The following IRX6 variants were observed in gnomAD, a reference collection of about 807,000 sequenced individuals.
The protein encoded by IRX6 is iroquois homeobox 6, also known as iroquois-class homeodomain protein IRX-6.
Under a neutral mutation model 47.7 loss-of-function variants are expected in IRX6, and 46 were observed. That is an observed-to-expected ratio of 0.96 (90% CI 0.76 to 1.23). The LOEUF (loss-of-function observed/expected upper bound fraction) is 1.23, where lower values mean the gene tolerates loss of function less well. Among genes scored for constraint, IRX6 ranks in the 50% most tolerant of loss-of-function variants. The probability of loss-of-function intolerance (pLI) is 0.00; values close to 1 mark genes in which losing one functional copy is unlikely to be tolerated. For missense variants in IRX6, 722 were observed against 588.0 expected, an observed-to-expected ratio of 1.23 and a Z score of -2.36; for synonymous variants, 265 against 246.2, an observed-to-expected ratio of 1.08 and a Z score of -0.72.
intron 2 of IRX6, chr16:55,326,831 GA>G: frequency 2.1e-6 from 1 of 475,790 alleles, no homozygotes. Flanking sequence ...TAAGAATGAG[GA>G]AATAGAGGTG....
intron 2 of IRX6, 99 bp from the exon 3 acceptor site, chr16:55,327,197 A>T (rs1377982975): frequency 3.7e-6 from 3 of 804,800 alleles, no homozygotes; most frequent in Non-Finnish European, 6.4e-6. Flanking sequence ...CACGGCCAGT[A>T]CCAGTGGCCA....
intron 5 of IRX6, among the ~76,000 whole-genome samples, chr16:55,329,524 C>T (rs1960606236): frequency 6.6e-6 from 1 of 152,200 alleles, no homozygotes; most frequent in African/African-American, 2.4e-5. Flanking sequence ...AACTCACAGG[C>T]AGACTGTAAT....
rs1960581125 is a variant in IRX6, at chr16:55,328,690, T to A, written c.722-10T>A. ...TGGGGCTTTTCTCACTCGCTCTTGATTTCCTGCAGAAGTTACTGCTAGCCA... is the reference window on the plus strand; with the variant it reads ...TGGGGCTTTTCTCACTCGCTCTTGAATTCCTGCAGAAGTTACTGCTAGCCA... On this transcript the variant is annotated splice_polypyrimidine_tract_variant and intron_variant, in intron 4 of 5. Coordinates refer to ENST00000290552, the MANE Select transcript of IRX6 (RefSeq NM_024335.3). 6.2e-7 allele frequency: 1 copy of A among 1,611,646 alleles called. No individual in the cohort carries two copies. Among genetic ancestry groups the A allele is most frequent in the Admixed American group, 1.7e-5 (1 of 59,928 alleles).
intron 1 of IRX6, among the ~76,000 whole-genome samples, chr16:55,325,627 A>T (rs1960508189): frequency 6.6e-6 from 1 of 151,476 alleles, no homozygotes; most frequent in Admixed American, 6.6e-5. Context: ...AAGAACTTGT[A>T]GGCTACAACG....
intron 4 of IRX6, 81 bp from the exon 5 acceptor site, chr16:55,328,619 T>C (rs1386616439): frequency 4.1e-6 from 6 of 1,472,374 alleles, no homozygotes; most frequent in Non-Finnish European, 4.6e-6. Context: ...CGCTTCTTGC[T>C]AAAAGCTTCT....
In IRX6 at chr16:55,329,155, T is replaced by A. The variant is rs768945133; in HGVS notation, c.1177T>A (p.Ser393Thr). The change falls in exon 5 of 6, where the codon TCA (serine) becomes ACA (threonine). Residue 393 changes from serine to threonine, a missense_variant. By Grantham distance (58) the Ser-to-Thr change is moderately conservative (BLOSUM62 1). Coordinates refer to ENST00000290552, the MANE Select transcript of IRX6 (RefSeq NM_024335.3). ...GCCTCCTGCCTCTGCCCGGCGACTCTCAGTCCCCAGAGACTCCGCGTGCGA... is the reference window on the plus strand; with the variant it reads ...GCCTCCTGCCTCTGCCCGGCGACTCACAGTCCCCAGAGACTCCGCGTGCGA... ...GQPPASARRL[S>T]VPRDSACDES... The A allele has an allele frequency of 1.9e-6, 3 of 1,613,916 alleles. No homozygotes were observed. Among genetic ancestry groups the A allele is most frequent in the Non-Finnish European group, 2.5e-6 (3 of 1,180,014 alleles).
At chr16:55,330,177 TG>T in intron 5 of IRX6, 120 bp from the exon 6 acceptor site, 1 of 847,226 alleles carries the variant, frequency 1.2e-6, no homozygotes, top group Non-Finnish European at 2.0e-6. Flanking sequence ...ACATTACCTC[TG>T]GCAAGCTAAT....
chr16:55,325,019 C>T lies in IRX6; in HGVS notation c.-73C>T. Reference sequence around the variant, plus strand: ...TGTAAGGAACTGAGACACCTCACTGCTGGGGGCGCGGAACAGCTGGGCTGA... The same window carrying T: ...TGTAAGGAACTGAGACACCTCACTGTTGGGGGCGCGGAACAGCTGGGCTGA... On this transcript the variant is annotated 5_prime_UTR_variant, in exon 1 of 6. Transcript: ENST00000290552. The T allele has an allele frequency of 2.6e-6, 4 of 1,514,196 alleles. No homozygotes were observed. Among genetic ancestry groups the T allele is most frequent in the South Asian group, 2.2e-5 (2 of 88,900 alleles). 93.8% of individuals were successfully genotyped at this position (1,514,196 alleles called of 1,614,324 possible). A position where few individuals can be genotyped will look rare whatever the true frequency, so the allele number is the denominator to read the frequency against.
rs775651685 is a variant in IRX6 at position 55,326,292 on chromosome 16, G to GGT, written c.46-43_46-42insTG. ...CAGCGGGAGCGGGGGCGGGGGTGGGGGGGGGGTCTCTGACCTCCAGTGCCC... is the reference window on the plus strand; with the variant it reads ...CAGCGGGAGCGGGGGCGGGGGTGGGGGTGGGGGGTCTCTGACCTCCAGTGCCC... On this transcript the variant is annotated intron_variant, in intron 1 of 5. Transcript: ENST00000290552. 1,474 of 1,440,552 alleles carry GGT rather than the reference G, an allele frequency of 1.0e-3. 16 individuals are homozygous for GGT. The African/African-American group carries it at 0.019, about 19-fold the overall frequency. 89.2% of individuals were successfully genotyped at this position (1,440,552 alleles called of 1,614,324 possible).
In IRX6 at chr16:55,330,424, G is replaced by A. The variant is rs1276300736; in HGVS notation, c.*119G>A. The A allele has an allele frequency of 9.9e-7, 1 of 1,014,892 alleles. No individual in the cohort carries two copies. The highest frequency in any genetic ancestry group is 1.6e-6 in the Non-Finnish European group (1 of 638,146). The allele number at this position is 1,014,892 out of a possible 1,614,324, so 62.9% of individuals were successfully genotyped here. A position where few individuals can be genotyped will look rare whatever the true frequency, so the allele number is the denominator to read the frequency against. Reference sequence around the variant, plus strand: ...CCAGGAGCTCTCACTTTGCCTAAGAGACAGACACACAGAAACCCTCCTAGC... The same window carrying A: ...CCAGGAGCTCTCACTTTGCCTAAGAAACAGACACACAGAAACCCTCCTAGC... On this transcript the variant is annotated 3_prime_UTR_variant, in exon 6 of 6. Coordinates refer to ENST00000290552, the MANE Select transcript of IRX6 (RefSeq NM_024335.3).
In IRX6 at chr16:55,330,481, G is replaced by A. The variant is rs1019052634; in HGVS notation, c.*176G>A. 5.2e-5 allele frequency: 35 copies of A among 677,674 alleles called. No individual in the cohort carries two copies. Among genetic ancestry groups the A allele is most frequent in the Non-Finnish European group, 8.1e-5 (31 of 381,990 alleles). 42.0% of individuals were successfully genotyped at this position (677,674 alleles called of 1,614,324 possible). A position where few individuals can be genotyped will look rare whatever the true frequency, so the allele number is the denominator to read the frequency against. On this transcript the variant is annotated 3_prime_UTR_variant, in exon 6 of 6. Coordinates refer to ENST00000290552, the MANE Select transcript of IRX6 (RefSeq NM_024335.3). ...CCTTGCACGCAGAGCTGGGGTGGTG[G>A]GCCGACTTGAACCTTAGCAGTCCCC...
Position 55,324,985 on chromosome 16 carries a change from C to A in IRX6, c.-107C>A, listed in dbSNP as rs1596878505. 2 of 1,210,408 alleles carry A rather than the reference C, an allele frequency of 1.7e-6. No individual in the cohort carries two copies. Among genetic ancestry groups the A allele is most frequent in the Non-Finnish European group, 2.4e-6 (2 of 824,114 alleles). The allele number at this position is 1,210,408 out of a possible 1,614,324, so 75.0% of individuals were successfully genotyped here. A position where few individuals can be genotyped will look rare whatever the true frequency, so the allele number is the denominator to read the frequency against. ...AGGCGAAGGAACCGGCGCTGGGCAT[C>A]CGCAGCGGTGTAAGGAACTGAGACA... On this transcript the variant is annotated 5_prime_UTR_variant, in exon 1 of 6. Transcript: ENST00000290552. The surrounding 1 kb of genome is among the most constrained non-coding windows in gnomAD (Gnocchi z 4.4).
intron 2 of IRX6, 130 bp downstream of exon 2, chr16:55,326,723 A>G: frequency 1.1e-6 from 1 of 922,890 alleles, no homozygotes; most frequent in Non-Finnish European, 1.6e-6. Flanking sequence ...GGACAAAAAA[A>G]TACAGTACCT....
At chr16:55,329,921 C>G (rs1388485560) in intron 5 of IRX6, among the ~76,000 whole-genome samples, 2 of 152,170 alleles carry the variant, frequency 1.3e-5, no homozygotes, top group African/African-American at 4.8e-5. Flanking sequence ...GAGCACTCTA[C>G]CCAGGGCTCA....
Position 55,324,934 on chromosome 16 carries a change from C to T in IRX6, c.-158C>T. ...CAGGGCTCGGCAGCCGGGCTGCCCT[C>T]GGCTCTGCCTCCACTGGGGCCAACC... On this transcript the variant is annotated 5_prime_UTR_variant, in exon 1 of 6. Transcript: ENST00000290552. This position sits in a 1 kb window ranked among gnomAD's most constrained non-coding sequence, Gnocchi z 4.4. The T allele has an allele frequency of 4.1e-6, 3 of 728,478 alleles. No homozygotes were observed. The highest frequency in any genetic ancestry group is 5.5e-5 in the East Asian group (2 of 36,664). 45.1% of individuals were successfully genotyped at this position (728,478 alleles called of 1,614,324 possible). A position where few individuals can be genotyped will look rare whatever the true frequency, so the allele number is the denominator to read the frequency against.
chr16:55,328,234 T>C (rs1960572107), intron 4 of IRX6, among the ~76,000 whole-genome samples: 1 of 152,182 alleles, frequency 6.6e-6, no homozygotes, highest in Admixed American at 6.5e-5. Flanking sequence ...CTTCCCTCTC[T>C]AGAATGGCAG....
rs1161798955 is a variant in IRX6, at chr16:55,327,881, G to T, written c.709G>T (p.Ala237Ser). 1 of 1,603,478 alleles carries T rather than the reference G, an allele frequency of 6.2e-7. No individual in the cohort carries two copies. The highest frequency in any genetic ancestry group is 1.7e-5 in the Admixed American group (1 of 59,258). Residue 237 changes from alanine to serine, a missense_variant, in exon 4 of 6, where the codon GCT becomes TCT. Physicochemically the swap from Ala to Ser is moderately conservative, Grantham distance 99 (BLOSUM62 1). Transcript: ENST00000290552. ...GEEDSLGCLT[A>S]DTKEVTASQE... is the part of the protein sequence containing the mutation. ...GGAGGACTCACTAGGCTGCCTAACT[G>T]CTGACACCAAAGGTACTGAAAACGT...
rs1178595577 is a variant in IRX6, at chr16:55,328,965, C to A, written c.987C>A (p.Phe329Leu). Residue 329 changes from phenylalanine (F) to leucine (L), a missense_variant, in exon 5 of 6, where the codon TTC becomes TTA. Coordinates refer to ENST00000290552, the MANE Select transcript of IRX6 (RefSeq NM_024335.3). ...NDPSGSEEAD[F>L]LSAETGSPRL... is the part of the protein sequence containing the mutation. ...CTTCCGGATCGGAAGAAGCTGACTTCCTCTCGGCGGAGACAGGCAGCCCTA... is the reference window on the plus strand; with the variant it reads ...CTTCCGGATCGGAAGAAGCTGACTTACTCTCGGCGGAGACAGGCAGCCCTA... 1 of 1,613,726 alleles carries A rather than the reference C, an allele frequency of 6.2e-7. No individual in the cohort carries two copies. Among genetic ancestry groups the A allele is most frequent in the Admixed American group, 1.7e-5 (1 of 60,034 alleles).
chr16:55,328,664 C>T, intron 4 of IRX6, 36 bp from the exon 5 acceptor site: 2 of 1,604,736 alleles, frequency 1.2e-6, no homozygotes, highest in South Asian at 2.2e-5. Flanking sequence ...CCCTTGGGCC[C>T]TGGGGCTTTT....
Sources: gnomAD v4.1 joint callset for allele counts (sites outside exome capture counted in the v4.1 genomes callset) on GRCh38, gnomAD v4.1.1 for gene constraint, Gnocchi (gnomAD v3.1) non-coding constraint, MANE v1.5 for transcripts, NCBI Gene and HGNC (gene_info 2026-07-23, HGNC 2026-07-21) for gene names.